The following PTPRD variants were observed in gnomAD, a reference collection of about 807,000 sequenced individuals.
PTPRD encodes protein tyrosine phosphatase receptor type D.
Under a neutral mutation model 214.5 loss-of-function variants are expected in PTPRD, and 34 were observed. The observed-to-expected ratio is 0.16, with a 90% CI of 0.12 to 0.21. The LOEUF is 0.21. PTPRD is among the 10% of genes least tolerant of loss of function. The pLI is 1.00. For missense variants in PTPRD, 2,545 were observed against 2,398.7 expected (o/e 1.06, Z -1.27); for synonymous variants, 1,128 against 845.7 (o/e 1.33, Z -5.79).
Position 8,635,793 on chromosome 9 carries a change from C to T in PTPRD, c.210+906G>A, listed in dbSNP as rs1019591170. Among the ~76,000 whole-genome samples, 3 of 152,134 alleles carry T rather than the reference C, an allele frequency of 2.0e-5. No individual in the cohort carries two copies. The South Asian group carries it at 6.2e-4, about 32-fold the overall frequency. ...TGGTAGCCCCTAAAATTAAAGCTAT[C>T]CTTCTCATGTCTTAAATTATGGGCA... On this transcript the variant is annotated intron_variant, in intron 13 of 45. Transcript: ENST00000381196.
Position 9,474,574 on chromosome 9 carries a change from T to C in PTPRD, c.-236-77092A>G, listed in dbSNP as rs185664298. On this transcript the variant is annotated intron_variant, in intron 8 of 45. Transcript: ENST00000381196. ...AATATTAATTCTTCTAGCCCATCAG[T>C]ACAGGATATCATTTCATTTGTTTGT... is the stretch of plus-strand genomic sequence containing the variant. Among the ~76,000 whole-genome samples, 480 of 152,240 alleles carry C rather than the reference T, an allele frequency of 3.2e-3. 4 individuals carry two copies. The highest frequency in any genetic ancestry group is 0.01 in the African/African-American group (433 of 41,570).
intron 7 of PTPRD, among the ~76,000 whole-genome samples, chr9:9,667,223 G>A (rs1302552537): frequency 6.6e-6 from 1 of 152,046 alleles, no homozygotes; most frequent in African/African-American, 2.4e-5. Context: ...TTACAGCAGT[G>A]CAATCATTTC....
Position 8,925,084 on chromosome 9 carries a change from G to C in PTPRD, c.-104+93613C>G, listed in dbSNP as rs547049041. On this transcript the variant is annotated intron_variant, in intron 11 of 45. Coordinates refer to ENST00000381196, the MANE Select transcript of PTPRD (RefSeq NM_002839.4). Reference sequence around the variant, plus strand: ...CTGCTCTTTTTACAGCCATTTAAATGTTGGTACTCTCCCAGGTTTCTGTCC... The same window carrying C: ...CTGCTCTTTTTACAGCCATTTAAATCTTGGTACTCTCCCAGGTTTCTGTCC... Among the ~76,000 whole-genome samples, 84 of 152,234 alleles carry C rather than the reference G, an allele frequency of 5.5e-4. 1 individual carries two copies. Among genetic ancestry groups the C allele is most frequent in the African/African-American group, 2.0e-3 (84 of 41,544 alleles).
At chr9:10,340,234 G>A (rs1198678826) in intron 3 of PTPRD, among the ~76,000 whole-genome samples, 1 of 151,782 alleles carries the variant, frequency 6.6e-6, no homozygotes, top group Non-Finnish European at 1.5e-5. Flanking sequence ...TTTTCCCCAT[G>A]TTTACAAATA....
At chr9:8,364,933 G>T (rs1197175263) in intron 39 of PTPRD, among the ~76,000 whole-genome samples, 1 of 152,018 alleles carries the variant, frequency 6.6e-6, no homozygotes, top group Admixed American at 6.5e-5. Context: ...TCAATATACA[G>T]GTGCTTTCTG....
At chr9:8,610,768 G>C (rs2095419657) in intron 14 of PTPRD, among the ~76,000 whole-genome samples, 1 of 152,134 alleles carries the variant, frequency 6.6e-6, no homozygotes, top group South Asian at 2.1e-4. Context: ...ATTCTACTTA[G>C]TTTTTAGAAG....
At chr9:8,329,316 G>A (rs918049224) in intron 44 of PTPRD, among the ~76,000 whole-genome samples, 12 of 152,084 alleles carry the variant, frequency 7.9e-5, no homozygotes, top group East Asian at 7.7e-4. Flanking sequence ...TATTCCAGAC[G>A]CTGTTTGCCT....
chr9:9,418,702 C>A (rs2077716457), intron 8 of PTPRD, among the ~76,000 whole-genome samples: 1 of 151,908 alleles, frequency 6.6e-6, no homozygotes, highest in African/African-American at 2.4e-5. Context: ...GCAACTCATT[C>A]ATTTATCCAT....
intron 4 of PTPRD, among the ~76,000 whole-genome samples, chr9:9,971,581 A>G (rs2095105308): frequency 6.6e-6 from 1 of 152,182 alleles, no homozygotes; most frequent in Non-Finnish European, 1.5e-5. Flanking sequence ...GGATTCAATT[A>G]ATTTATGTTG....
intron 2 of PTPRD, among the ~76,000 whole-genome samples, chr9:10,520,453 A>T (rs971943158): frequency 2.6e-5 from 4 of 152,234 alleles, no homozygotes; most frequent in African/African-American, 9.6e-5. Context: ...TCTCCATAAC[A>T]TAAAAGTGCA....
At chr9:8,817,383 A>G (rs185183617) in intron 11 of PTPRD, among the ~76,000 whole-genome samples, 33 of 152,338 alleles carry the variant, frequency 2.2e-4, no homozygotes, top group African/African-American at 7.7e-4. Context: ...CTCAAGAGTA[A>G]AAGTTTTATA....
At chr9:8,564,250 T>C (rs1003040438) in intron 14 of PTPRD, among the ~76,000 whole-genome samples, 1 of 152,176 alleles carries the variant, frequency 6.6e-6, no homozygotes, top group Non-Finnish European at 1.5e-5. Flanking sequence ...TAAGCTATGA[T>C]GTTCAGTGGG....
chr9:10,303,374 T>C (rs1314331319), intron 3 of PTPRD, among the ~76,000 whole-genome samples: 1 of 151,700 alleles, frequency 6.6e-6, no homozygotes, highest in Non-Finnish European at 1.5e-5. Context: ...AGCAAACAAA[T>C]TCAAAAGCTA....
intron 5 of PTPRD, among the ~76,000 whole-genome samples, chr9:9,885,405 A>G (rs2070469407): frequency 6.6e-6 from 1 of 152,100 alleles, no homozygotes; most frequent in African/African-American, 2.4e-5. Flanking sequence ...GAGAATTTCA[A>G]GGACTTGCAT....
chr9:10,489,018 G>C (rs184043809), intron 2 of PTPRD, among the ~76,000 whole-genome samples: 12 of 152,128 alleles, frequency 7.9e-5, no homozygotes, highest in Admixed American at 5.2e-4. Flanking sequence ...ACTTTTCTTA[G>C]GTGGAAGGAG....
At chr9:10,492,508 C>CT (rs563707277) in intron 2 of PTPRD, among the ~76,000 whole-genome samples, 41 of 152,154 alleles carry the variant, frequency 2.7e-4, no homozygotes, top group African/African-American at 9.4e-4. Context: ...ACATAAATGT[C>CT]TTTTTTTGAG....
rs370390103 is a variant in PTPRD, at chr9:8,651,908, G to T, written c.65-15064C>A. 5.6e-4 allele frequency among the ~76,000 whole-genome samples: 86 copies of T among 152,280 alleles called. 1 individual carries two copies. Among genetic ancestry groups the T allele is most frequent in the East Asian group, 4.6e-3 (24 of 5,184 alleles). Reference sequence around the variant, plus strand: ...ATATTCTTGAAACAATTTTCAGTTGGATTACTTTTCAAATATCAAGTCCCT... The same window carrying T: ...ATATTCTTGAAACAATTTTCAGTTGTATTACTTTTCAAATATCAAGTCCCT... On this transcript the variant is annotated intron_variant, in intron 12 of 45. Transcript: ENST00000381196.
intron 12 of PTPRD, among the ~76,000 whole-genome samples, chr9:8,718,183 T>C (rs1307655154): frequency 6.6e-6 from 1 of 152,038 alleles, no homozygotes; most frequent in Non-Finnish European, 1.5e-5. Flanking sequence ...TGATCATAAT[T>C]TGTCAAAGCT....
chr9:9,541,046 A>G (rs79242057), intron 8 of PTPRD, among the ~76,000 whole-genome samples: 2,018 of 151,946 alleles, frequency 0.013, 48 homozygotes, highest in African/African-American at 0.046. Flanking sequence ...AGGAGCAACT[A>G]TATCTGTAGT....
Sources: allele counts gnomAD v4.1 joint callset (sites outside exome capture counted in the v4.1 genomes callset), GRCh38; gene constraint gnomAD v4.1.1; transcripts MANE v1.5; gene names NCBI Gene and HGNC (gene_info 2026-07-23, HGNC 2026-07-21).